IL16: variants seen among roughly 807,000 people sequenced by gnomAD.
IL16 encodes the protein interleukin 16, also known as pro-interleukin-16.
In IL16, 67 loss-of-function variants were observed where a neutral mutation model predicts 110.1. The observed-to-expected ratio is 0.61, with a 90% CI of 0.50 to 0.75. The LOEUF (loss-of-function observed/expected upper bound fraction) is 0.75. Ranked by LOEUF, IL16 falls within the 30% of genes least tolerant of loss-of-function variation. The pLI, the probability that IL16 is intolerant of heterozygous loss-of-function variation, is 0.00. For synonymous variants in IL16, 689 were observed against 662.9 expected (o/e 1.04, Z -0.61); for missense variants, 1,545 against 1,655.0 (o/e 0.93, Z 1.15).
intron 2 of IL16, among the ~76,000 whole-genome samples, chr15:81,232,521 A>G (rs925096729): frequency 6.6e-6 from 1 of 152,140 alleles, no homozygotes; most frequent in Non-Finnish European, 1.5e-5. Context: ...CTCTGTTCAC[A>G]ATTGGCAGAG....
At chr15:81,223,384 A>T (rs2142030911) in intron 1 of IL16, among the ~76,000 whole-genome samples, 1 of 152,322 alleles carries the variant, frequency 6.6e-6, no homozygotes, top group South Asian at 2.1e-4. Flanking sequence ...AAAATGTTTG[A>T]GTGTGTTCAT....
At chr15:81,271,235 A>G (rs1411474530) in intron 5 of IL16, among the ~76,000 whole-genome samples, 5 of 152,056 alleles carry the variant, frequency 3.3e-5, no homozygotes, top group Non-Finnish European at 7.4e-5. Flanking sequence ...TGGGTAACAT[A>G]GTAAGACCCT....
rs1407101249 is a variant in IL16, at chr15:81,267,005, C to T, written c.564+1204C>T. Among the ~76,000 whole-genome samples, 9 of 152,330 alleles carry T rather than the reference C, an allele frequency of 5.9e-5. No individual in the cohort carries two copies. The East Asian group carries it at 1.4e-3, about 23-fold the overall frequency. ...TCCTAGTGTTAGAAGAAGGTGGCTTCCCTGGTGCCACCCTGAGCTGAGAAC... is the reference window on the plus strand; with the variant it reads ...TCCTAGTGTTAGAAGAAGGTGGCTTTCCTGGTGCCACCCTGAGCTGAGAAC... On this transcript the variant is annotated intron_variant, in intron 4 of 18. Coordinates refer to ENST00000683961, the MANE Select transcript of IL16 (RefSeq NM_172217.5).
Position 81,312,331 on chromosome 15 carries a change from G to C in IL16, c.*3533G>C, listed in dbSNP as rs547066996. 1.3e-5 allele frequency: 2 copies of C among 152,366 alleles called. No individual in the cohort carries two copies. The highest frequency in any genetic ancestry group is 6.5e-5 in the Admixed American group (1 of 15,310). The allele number at this position is 152,366 out of a possible 1,614,324, so 9.4% of individuals were successfully genotyped here. A position where few individuals can be genotyped will look rare whatever the true frequency, so the allele number is the denominator to read the frequency against. ...ATCTAGAGGGGGGATTTCCAGCCAGGGCTGCTAGACGGAGGCCTACTCTTC... is the reference window on the plus strand; with the variant it reads ...ATCTAGAGGGGGGATTTCCAGCCAGCGCTGCTAGACGGAGGCCTACTCTTC... On this transcript the variant is annotated 3_prime_UTR_variant, in exon 19 of 19. Coordinates refer to ENST00000683961, the MANE Select transcript of IL16 (RefSeq NM_172217.5).
intron 15 of IL16, 21 bp downstream of exon 15, chr15:81,301,533 T>G (rs1490322713): frequency 6.2e-7 from 1 of 1,606,968 alleles, no homozygotes; most frequent in African/African-American, 1.3e-5. Context: ...TTTGTAAGCA[T>G]CTGCAGTAAC....
chr15:81,267,489 C>CACACACACACACACAT lies in IL16; in HGVS notation c.564+1703_564+1704insTACACACACACACACA, dbSNP rs1555420224. Among the ~76,000 whole-genome samples, 681 of 142,694 alleles carry CACACACACACACACAT rather than the reference C, an allele frequency of 4.8e-3. 7 individuals carry two copies. The highest frequency in any genetic ancestry group is 0.019 in the African/African-American group (656 of 34,102). The allele number at this position is 142,694 out of a possible 152,430, so 93.6% of individuals were successfully genotyped here. A position where few individuals can be genotyped will look rare whatever the true frequency, so the allele number is the denominator to read the frequency against. ...AGACACACATACACAGACACACACA[C>CACACACACACACACAT]ACACACACACACACACAGAGAGAGC... On this transcript the variant is annotated intron_variant, in intron 4 of 18. Transcript: ENST00000683961.
rs1311443256 is a variant in IL16, at chr15:81,303,840, A to G, written c.3420+190A>G. On this transcript the variant is annotated intron_variant, in intron 16 of 18. Coordinates refer to ENST00000683961, the MANE Select transcript of IL16 (RefSeq NM_172217.5). This position sits in a 1 kb window ranked among gnomAD's most constrained non-coding sequence, Gnocchi z 4.1. ...CGTGGAGAGGGTAGCAGGCCTGGCCATGGGCATCTTTTCCTGTGGGTCCCA... is the reference window on the plus strand; with the variant it reads ...CGTGGAGAGGGTAGCAGGCCTGGCCGTGGGCATCTTTTCCTGTGGGTCCCA... 6.6e-6 allele frequency among the ~76,000 whole-genome samples: 1 copy of G among 152,256 alleles called. No homozygotes were observed. Among genetic ancestry groups the G allele is most frequent in the East Asian group, 1.9e-4 (1 of 5,204 alleles).
intron 2 of IL16, among the ~76,000 whole-genome samples, chr15:81,233,474 TG>T (rs2142072664): frequency 1.4e-5 from 2 of 140,656 alleles, no homozygotes; most frequent in African/African-American, 6.4e-5. Context: ...TGTGTGTGTG[TG>T]TGTGTGTGTG....
intron 3 of IL16, among the ~76,000 whole-genome samples, chr15:81,261,663 G>T (rs1273097016): frequency 1.3e-5 from 2 of 152,110 alleles, no homozygotes; most frequent in Non-Finnish European, 1.5e-5. Flanking sequence ...TTTCTAACCC[G>T]GCCCACCCCT....
rs1900845054 is a variant in IL16, at chr15:81,311,366, T to C, written c.*2568T>C. The C allele has an allele frequency of 6.6e-6, 1 of 152,246 alleles. No homozygotes were observed. The highest frequency in any genetic ancestry group is 2.4e-5 in the African/African-American group (1 of 41,464). 9.4% of individuals were successfully genotyped at this position (152,246 alleles called of 1,614,324 possible). On this transcript the variant is annotated 3_prime_UTR_variant, in exon 19 of 19. Coordinates refer to ENST00000683961, the MANE Select transcript of IL16 (RefSeq NM_172217.5). ...ACTGACACTGGTATTCCTGCCTCCA[T>C]ATTTTCTTTAAAAGACAAATCAAAG...
Position 81,278,810 on chromosome 15 carries a change from T to C in IL16, c.791-7T>C, listed in dbSNP as rs11072999. The C allele has an allele frequency of 0.011, 17,669 of 1,596,414 alleles. 1,100 individuals carry two copies. The African/African-American group carries it at 0.17, about 15-fold the overall frequency. ...TCTTCTTAGCTACACTTTCTCTCTC[T>C]AAACAGGTGATGAAATTCTGGAGCT... On this transcript the variant is annotated splice_region_variant and splice_polypyrimidine_tract_variant and intron_variant, in intron 6 of 18. Transcript: ENST00000683961.
chr15:81,209,332 C>A (rs1396414242), intron 1 of IL16, among the ~76,000 whole-genome samples: 6 of 151,896 alleles, frequency 4.0e-5, no homozygotes, highest in African/African-American at 1.2e-4. Flanking sequence ...TTCCAGGAAA[C>A]CAGTCTGGAT....
chr15:81,242,380 C>T (rs887741404), intron 2 of IL16, among the ~76,000 whole-genome samples: 4 of 152,076 alleles, frequency 2.6e-5, no homozygotes, highest in African/African-American at 9.7e-5. Context: ...TGGTATGTCT[C>T]TGTATTTATT....
chr15:81,300,220 G>A lies in IL16; in HGVS notation c.2894G>A (p.Arg965Gln), dbSNP rs750004429. The A allele has an allele frequency of 1.6e-5, 26 of 1,614,090 alleles. No homozygotes were observed. Among genetic ancestry groups the A allele is most frequent in the Non-Finnish European group, 2.0e-5 (24 of 1,180,056 alleles). Residue 965 changes from arginine to glutamine, a missense_variant, in exon 14 of 19, where the codon CGG becomes CAG. Physicochemically the swap from Arg to Gln is conservative, Grantham distance 43. Transcript: ENST00000683961. ...CTCAAGATGCCTAGCCAGCGAGCAC[G>A]GAGCTTCCCCCTGACCAGGTCCCAG... ...PVLKMPSQRA[R>Q]SFPLTRSQSC...
At chr15:81,290,063 C>A in intron 10 of IL16, 1 of 342,108 alleles carries the variant, frequency 2.9e-6, no homozygotes, top group Admixed American at 4.2e-5. Flanking sequence ...ACAGCTCAGA[C>A]AGTATAATAG....
intron 1 of IL16, among the ~76,000 whole-genome samples, chr15:81,217,482 A>AGGACTAGGT (rs1896474254): frequency 1.3e-5 from 2 of 152,218 alleles, no homozygotes; most frequent in Admixed American, 1.3e-4. Flanking sequence ...TCAAGCTTTT[A>AGGACTAGGT]GGACTAGGTG....
chr15:81,278,975 C>A, intron 7 of IL16, 85 bp downstream of exon 7: 1 of 920,068 alleles, frequency 1.1e-6, no homozygotes, highest in Admixed American at 1.7e-5. Context: ...CCTACAAATT[C>A]AAACTGTGGA....
At chr15:81,222,916 C>T (rs1034834026) in intron 1 of IL16, among the ~76,000 whole-genome samples, 4 of 152,010 alleles carry the variant, frequency 2.6e-5, no homozygotes, top group African/African-American at 4.8e-5. Flanking sequence ...GTGGAATTGG[C>T]AGGATGCAGA....
At chr15:81,304,700 T>G (rs1900463767) in intron 16 of IL16, among the ~76,000 whole-genome samples, 1 of 152,202 alleles carries the variant, frequency 6.6e-6, no homozygotes. Context: ...TAATTAACTT[T>G]AATCTTCGTT....
Sources: gnomAD v4.1 joint callset for allele counts (sites outside exome capture counted in the v4.1 genomes callset) on GRCh38, gnomAD v4.1.1 for gene constraint, Gnocchi (gnomAD v3.1) non-coding constraint, MANE v1.5 for transcripts, NCBI Gene and HGNC (gene_info 2026-07-23, HGNC 2026-07-21) for gene names.